The following ERBB4 variants were observed in gnomAD, a reference collection of about 807,000 sequenced individuals.
The protein encoded by ERBB4 is erb-b2 receptor tyrosine kinase 4, also known as receptor tyrosine-protein kinase erbB-4.
ERBB4 carries 42 observed loss-of-function variants against 158.0 expected under a neutral mutation model. The ratio of observed to expected loss-of-function variants is 0.27; its 90% CI spans 0.21 to 0.34. The LOEUF is 0.34. Ranked by LOEUF, ERBB4 falls within the 10% of genes least tolerant of loss-of-function variation. The pLI is 1.00. For synonymous variants in ERBB4, 583 were observed against 558.7 expected (o/e 1.04, Z -0.61); for missense variants, 1,333 against 1,624.1 (o/e 0.82, Z 3.08).
At chr2:212,368,154 T>C (rs1433336606) in intron 1 of ERBB4, among the ~76,000 whole-genome samples, 1 of 152,024 alleles carries the variant, frequency 6.6e-6, no homozygotes, top group Non-Finnish European at 1.5e-5. Flanking sequence ...CAATTCACAA[T>C]AGCAAAATCG....
chr2:212,137,732 C>T (rs977305435), intron 1 of ERBB4, among the ~76,000 whole-genome samples: 1 of 152,070 alleles, frequency 6.6e-6, no homozygotes, highest in African/African-American at 2.4e-5. Flanking sequence ...TGTTTTAGGT[C>T]TTTAAGGAAT....
chr2:212,449,217 A>G (rs1476587667), intron 1 of ERBB4, among the ~76,000 whole-genome samples: 1 of 152,166 alleles, frequency 6.6e-6, no homozygotes, highest in Non-Finnish European at 1.5e-5. Context: ...CCATCAGTTT[A>G]CTGTATCTTA....
intron 20 of ERBB4, among the ~76,000 whole-genome samples, chr2:211,540,649 T>C (rs2125682243): frequency 6.6e-6 from 1 of 151,914 alleles, no homozygotes; most frequent in Non-Finnish European, 1.5e-5. Flanking sequence ...CTGCAACCTT[T>C]GCCTCCAGGG....
At chr2:211,438,947 T>C (rs2063914023) in intron 20 of ERBB4, among the ~76,000 whole-genome samples, 1 of 152,070 alleles carries the variant, frequency 6.6e-6, no homozygotes, top group Non-Finnish European at 1.5e-5. Context: ...TTGCTATTTA[T>C]TTGAAATTTA....
chr2:211,887,433 T>C (rs940805799), intron 3 of ERBB4, among the ~76,000 whole-genome samples: 2 of 152,146 alleles, frequency 1.3e-5, no homozygotes, highest in African/African-American at 4.8e-5. Flanking sequence ...TGCCTAATAA[T>C]AGCTCTAAAA....
At chr2:212,507,561 G>A (rs745746720) in intron 1 of ERBB4, among the ~76,000 whole-genome samples, 4 of 152,020 alleles carry the variant, frequency 2.6e-5, no homozygotes, top group Admixed American at 6.6e-5. Context: ...ATAGGAGTTC[G>A]GAAGAAGTTG....
rs1180958706 is a variant in ERBB4 at position 212,192,151 on chromosome 2, ATAT to A, written c.83-67251_83-67249del. 1.6e-5 allele frequency among the ~76,000 whole-genome samples: 2 copies of A among 127,580 alleles called. 1 individual carries two copies. The highest frequency in any genetic ancestry group is 5.7e-5 in the African/African-American group (2 of 34,976). 83.7% of individuals were successfully genotyped at this position (127,580 alleles called of 152,430 possible). ...GTGTTATGTTATCTATATGTTATAT[ATAT>A]TATATTATATGTGTTATATATTATA... On this transcript the variant is annotated intron_variant, in intron 1 of 27. Transcript: ENST00000342788.
At chr2:212,522,276 T>C (rs946294811) in intron 1 of ERBB4, among the ~76,000 whole-genome samples, 1 of 152,114 alleles carries the variant, frequency 6.6e-6, no homozygotes, top group African/African-American at 2.4e-5. Context: ...AGGTGAGATA[T>C]TGTATAAGAA....
intron 1 of ERBB4, among the ~76,000 whole-genome samples, chr2:212,220,632 AC>A (rs1284139915): frequency 6.6e-6 from 1 of 151,378 alleles, no homozygotes; most frequent in Non-Finnish European, 1.5e-5. Context: ...GTTAACAATG[AC>A]CAACCATTTG....
chr2:211,789,967 A>G (rs2076244782), intron 3 of ERBB4, among the ~76,000 whole-genome samples: 3 of 151,952 alleles, frequency 2.0e-5, no homozygotes, highest in South Asian at 4.1e-4. Context: ...TTCACTGACT[A>G]TTGGTTCCAT....
intron 1 of ERBB4, among the ~76,000 whole-genome samples, chr2:212,217,747 G>T (rs1213423757): frequency 6.6e-6 from 1 of 151,200 alleles, no homozygotes; most frequent in Non-Finnish European, 1.5e-5. Flanking sequence ...TTAAAATACT[G>T]GTCATTTTGT....
chr2:211,530,323 A>C (rs933264336), intron 20 of ERBB4, among the ~76,000 whole-genome samples: 1 of 152,094 alleles, frequency 6.6e-6, no homozygotes, highest in Non-Finnish European at 1.5e-5. Context: ...AAACTATAAA[A>C]CACTGATGGA....
At chr2:211,906,186 G>C (rs2079388001) in intron 3 of ERBB4, among the ~76,000 whole-genome samples, 1 of 152,060 alleles carries the variant, frequency 6.6e-6, no homozygotes, top group South Asian at 2.1e-4. Flanking sequence ...AATAATCCAG[G>C]TTAGAAATAA....
chr2:212,390,821 A>G (rs755903620), intron 1 of ERBB4, among the ~76,000 whole-genome samples: 75 of 151,830 alleles, frequency 4.9e-4, no homozygotes, highest in Non-Finnish European at 1.3e-4. Context: ...TAAAGTTCAA[A>G]AAAGGGACAT....
intron 2 of ERBB4, among the ~76,000 whole-genome samples, chr2:212,083,313 C>T (rs2078500422): frequency 6.6e-6 from 1 of 151,768 alleles, no homozygotes; most frequent in Non-Finnish European, 1.5e-5. Context: ...TGATTATTCT[C>T]AGATGGTGGG....
chr2:212,470,304 C>A (rs1689052913), intron 1 of ERBB4, among the ~76,000 whole-genome samples: 1 of 152,028 alleles, frequency 6.6e-6, no homozygotes, highest in Non-Finnish European at 1.5e-5. Context: ...CACCCAGTAA[C>A]TGGCCTATCA....
chr2:211,452,589 T>TA (rs1393473376), intron 20 of ERBB4, among the ~76,000 whole-genome samples: 1 of 152,186 alleles, frequency 6.6e-6, no homozygotes, highest in Admixed American at 6.5e-5. Context: ...TAAATATTGA[T>TA]ACACTAAAAA....
At chr2:211,431,927 AAAT>A (rs1001357525) in intron 20 of ERBB4, among the ~76,000 whole-genome samples, 33 of 152,236 alleles carry the variant, frequency 2.2e-4, no homozygotes, top group Non-Finnish European at 2.5e-4. Flanking sequence ...AATTCAGAAA[AAAT>A]AATCTAGAGG....
chr2:212,372,663 C>T lies in ERBB4; in HGVS notation c.82+165786G>A, dbSNP rs1014963008. On this transcript the variant is annotated intron_variant, in intron 1 of 27. Transcript: ENST00000342788. ...ACTCGGGAGGCTGAGGCAGGAGAAT[C>T]GCTTGAACTTGGGAGGCAGAGGTTG... 3.9e-5 allele frequency among the ~76,000 whole-genome samples: 6 copies of T among 152,078 alleles called. No individual in the cohort carries two copies. The East Asian group carries it at 5.8e-4, about 15-fold the overall frequency.
Sources: allele counts gnomAD v4.1 joint callset (sites outside exome capture counted in the v4.1 genomes callset), GRCh38; gene constraint gnomAD v4.1.1; transcripts MANE v1.5; gene names NCBI Gene and HGNC (gene_info 2026-07-23, HGNC 2026-07-21).